Variants in ESRRG observed in about 807,000 individuals in gnomAD.
ESRRG encodes the protein estrogen-related receptor gamma.
In ESRRG, 13 loss-of-function variants were observed where a neutral mutation model predicts 44.0. The ratio of observed to expected loss-of-function variants is 0.30; its 90% CI spans 0.19 to 0.47. The LOEUF (loss-of-function observed/expected upper bound fraction) is 0.47. Ranked by LOEUF, ESRRG falls within the 20% of genes least tolerant of loss-of-function variation. The probability of loss-of-function intolerance (pLI) is 1.00; values close to 1 mark genes in which losing one functional copy is unlikely to be tolerated. For synonymous variants in ESRRG, 215 were observed against 214.6 expected, an observed-to-expected ratio of 1.00 and a Z score of -0.02; for missense variants, 395 against 580.6, an observed-to-expected ratio of 0.68 and a Z score of 3.29.
chr1:216,801,214 A>G (rs2094605335), intron 2 of ESRRG, among the ~76,000 whole-genome samples: 1 of 152,154 alleles, frequency 6.6e-6, no homozygotes, highest in African/African-American at 2.4e-5. Flanking sequence ...TTCATCCAAC[A>G]TATCTGCTAT....
intron 3 of ESRRG, among the ~76,000 whole-genome samples, chr1:216,647,020 T>C (rs1183755333): frequency 6.6e-6 from 1 of 152,176 alleles, no homozygotes; most frequent in Non-Finnish European, 1.5e-5. Context: ...GAAATGATTA[T>C]TGCTTTCATA....
At chr1:216,711,466 T>C (rs2083590349) in intron 1 of ESRRG, among the ~76,000 whole-genome samples, 1 of 152,170 alleles carries the variant, frequency 6.6e-6, no homozygotes, top group Non-Finnish European at 1.5e-5. Flanking sequence ...ATGAAATATT[T>C]GAGGTGTTGG....
At chr1:216,933,669 G>A (rs1307772353) in intron 2 of ESRRG, among the ~76,000 whole-genome samples, 4 of 152,034 alleles carry the variant, frequency 2.6e-5, no homozygotes, top group Non-Finnish European at 5.9e-5. Context: ...TATTACTTTT[G>A]GTTTTAACAT....
In ESRRG at chr1:216,547,253, T is replaced by TTGATGATGATGA. The variant is rs55716294; in HGVS notation, c.862+16954_862+16965dup. Among the ~76,000 whole-genome samples, 616 of 150,850 alleles carry TTGATGATGATGA rather than the reference T, an allele frequency of 4.1e-3. 2 individuals carry two copies. The highest frequency in any genetic ancestry group is 0.012 in the South Asian group (59 of 4,778). On this transcript the variant is annotated intron_variant, in intron 5 of 6. Transcript: ENST00000408911. ...ATGTAGCTGGATGATGTTGATGTTG[T>TTGATGATGATGA]TGATGATGATGATGATGATGATGAT...
chr1:216,772,821 G>A (rs1165288742), intron 2 of ESRRG, among the ~76,000 whole-genome samples: 1 of 151,374 alleles, frequency 6.6e-6, no homozygotes, highest in Non-Finnish European at 1.5e-5. Flanking sequence ...AAATGTACTT[G>A]GGCAGCTGCA....
intron 2 of ESRRG, among the ~76,000 whole-genome samples, chr1:216,817,972 T>C (rs1427747875): frequency 6.6e-6 from 1 of 152,176 alleles, no homozygotes; most frequent in Non-Finnish European, 1.5e-5. Flanking sequence ...ATTCGGGATT[T>C]AAATAAGTTG....
At chr1:216,775,518 T>G (rs945192596) in intron 2 of ESRRG, among the ~76,000 whole-genome samples, 21 of 144,502 alleles carry the variant, frequency 1.5e-4, no homozygotes, top group African/African-American at 5.3e-4. Context: ...CCTGACAGCA[T>G]GGAGTCTTTC....
chr1:217,035,016 C>A (rs1296543135), intron 1 of ESRRG, among the ~76,000 whole-genome samples: 1 of 152,116 alleles, frequency 6.6e-6, no homozygotes, highest in Non-Finnish European at 1.5e-5. Flanking sequence ...ATCCCCCTTG[C>A]TGATGGAGAA....
intron 5 of ESRRG, among the ~76,000 whole-genome samples, chr1:216,528,757 T>C (rs1489328285): frequency 6.6e-6 from 1 of 152,130 alleles, no homozygotes; most frequent in East Asian, 1.9e-4. Context: ...CCTGGCATTT[T>C]ATCATTATGG....
intron 2 of ESRRG, among the ~76,000 whole-genome samples, chr1:216,668,950 A>C (rs1559123629): frequency 6.6e-6 from 1 of 152,192 alleles, no homozygotes; most frequent in Non-Finnish European, 1.5e-5. Context: ...TTGGTATAAA[A>C]ATCTTTTTCA....
chr1:216,888,822 G>A (rs2057395355), intron 2 of ESRRG, among the ~76,000 whole-genome samples: 1 of 152,130 alleles, frequency 6.6e-6, no homozygotes, highest in African/African-American at 2.4e-5. Flanking sequence ...AGTTCACTGT[G>A]TTTCTAAGTG....
At chr1:217,132,026 G>A (rs1036931404) in intron 1 of ESRRG, among the ~76,000 whole-genome samples, 2 of 152,236 alleles carry the variant, frequency 1.3e-5, no homozygotes, top group African/African-American at 4.8e-5. Context: ...AGACCCCATT[G>A]CTGGAGCTCT....
At chr1:217,034,634 T>G (rs1018177235) in intron 1 of ESRRG, among the ~76,000 whole-genome samples, 2 of 152,116 alleles carry the variant, frequency 1.3e-5, no homozygotes, top group African/African-American at 4.8e-5. Context: ...AAAGCCAACT[T>G]TGTCCTGTAA....
rs548064265 is a variant in ESRRG at position 216,865,187 on chromosome 1, C to CAAAAAAAAAAAAAAAAAAAAAAAA, written c.-14+74371_-14+74394dup. The CAAAAAAAAAAAAAAAAAAAAAAAA allele has an allele frequency of 4.7e-4, 23 of 49,242 alleles. 2 individuals carry two copies. Among genetic ancestry groups the CAAAAAAAAAAAAAAAAAAAAAAAA allele is most frequent in the African/African-American group, 1.0e-3 (9 of 8,594 alleles). The allele number at this position is 49,242 out of a possible 1,614,324, so 3.1% of individuals were successfully genotyped here. A position where few individuals can be genotyped will look rare whatever the true frequency, so the allele number is the denominator to read the frequency against. ...ACTTCAACTTTTTAAAGCTGTGCAG[C>CAAAAAAAAAAAAAAAAAAAAAAAA]AAAAAAAAAAAAAAAAAAAAAAAAA... On this transcript the variant is annotated intron_variant, in intron 2 of 7. Transcript: ENST00000359162.
intron 1 of ESRRG, among the ~76,000 whole-genome samples, chr1:217,013,103 T>C (rs776558051): frequency 1.2e-4 from 19 of 152,248 alleles, no homozygotes; most frequent in Non-Finnish European, 2.5e-4. Context: ...TCACCCTAAT[T>C]GCATCATTTG....
intron 1 of ESRRG, among the ~76,000 whole-genome samples, chr1:216,977,341 T>TATACACAC (rs146010546): frequency 0.014 from 1,957 of 144,062 alleles, 39 homozygotes; most frequent in East Asian, 0.08. Flanking sequence ...GGAGGATACA[T>TATACACAC]ACACACACAC....
At chr1:216,779,189 ATATT>A (rs1443824733) in intron 2 of ESRRG, among the ~76,000 whole-genome samples, 1 of 78,862 alleles carries the variant, frequency 1.3e-5, no homozygotes, top group East Asian at 3.3e-4. Context: ...ATATAAATAT[ATATT>A]TATATTTATA....
chr1:216,545,221 A>C (rs928233528), intron 5 of ESRRG, among the ~76,000 whole-genome samples: 1 of 147,096 alleles, frequency 6.8e-6, no homozygotes, highest in Non-Finnish European at 1.5e-5. Flanking sequence ...CTAATTTTTT[A>C]ATTTTTATGT....
chr1:216,629,668 A>G (rs978786788), intron 3 of ESRRG, among the ~76,000 whole-genome samples: 1 of 152,154 alleles, frequency 6.6e-6, no homozygotes, highest in Admixed American at 6.5e-5. Flanking sequence ...GTGTCTTACC[A>G]CCAGGAAGTA....
Sources: gnomAD v4.1 joint callset for allele counts (sites outside exome capture counted in the v4.1 genomes callset) on GRCh38, gnomAD v4.1.1 for gene constraint, MANE v1.5 for transcripts, NCBI Gene and HGNC (gene_info 2026-07-23, HGNC 2026-07-21) for gene names.